The following FMN1 variants were observed in gnomAD, a reference collection of about 807,000 sequenced individuals.
The protein encoded by FMN1 is formin 1, also known as formin-1.
Under a neutral mutation model 132.4 loss-of-function variants are expected in FMN1, and 110 were observed. The ratio of observed to expected loss-of-function variants is 0.83; its 90% confidence interval spans 0.71 to 0.97. The LOEUF (loss-of-function observed/expected upper bound fraction) is 0.97. FMN1 is among the 50% of genes least tolerant of loss of function. The pLI is 0.00. For synonymous variants in FMN1, 722 were observed against 651.7 expected, an observed-to-expected ratio of 1.11 and a Z score of -1.64; for missense variants, 1,792 against 1,705.3, an observed-to-expected ratio of 1.05 and a Z score of -0.90.
chr15:32,938,958 G>T (rs1024780229), intron 9 of FMN1, among the ~76,000 whole-genome samples: 2 of 152,084 alleles, frequency 1.3e-5, no homozygotes, highest in East Asian at 3.9e-4. Context: ...GACGAAAAAA[G>T]ATTTACAAAG....
At chr15:32,779,795 G>A (rs970192132) in intron 19 of FMN1, among the ~76,000 whole-genome samples, 1 of 152,118 alleles carries the variant, frequency 6.6e-6, no homozygotes, top group Non-Finnish European at 1.5e-5. Flanking sequence ...CCATTTCATA[G>A]GTCTTAACCA....
chr15:33,047,271 G>C (rs1244811195), intron 6 of FMN1, among the ~76,000 whole-genome samples: 1 of 152,092 alleles, frequency 6.6e-6, no homozygotes, highest in Non-Finnish European at 1.5e-5. Context: ...TATAAAAACT[G>C]TTTGCCACCT....
chr15:33,055,884 C>T (rs1167279314), intron 6 of FMN1, among the ~76,000 whole-genome samples: 1 of 152,166 alleles, frequency 6.6e-6, no homozygotes, highest in Non-Finnish European at 1.5e-5. Flanking sequence ...AAAATAACTT[C>T]TCTACAAATT....
intron 16 of FMN1, among the ~76,000 whole-genome samples, chr15:32,882,953 G>A (rs757170056): frequency 1.3e-5 from 2 of 152,246 alleles, no homozygotes; most frequent in Non-Finnish European, 2.9e-5. Context: ...GACAGAACAA[G>A]AGCCAGCATG....
intron 19 of FMN1, among the ~76,000 whole-genome samples, chr15:32,787,256 A>C (rs369471707): frequency 6.6e-5 from 10 of 152,220 alleles, no homozygotes; most frequent in African/African-American, 2.2e-4. Flanking sequence ...AATGTTTCCA[A>C]AGGGTAGAAA....
rs555390739 is a variant in FMN1, at chr15:32,903,623, C to T, written c.3378-1583G>A. Among the ~76,000 whole-genome samples the T allele has an allele frequency of 1.4e-4, 22 of 152,336 alleles. No homozygotes were observed. The East Asian group carries it at 4.2e-3, about 29-fold the overall frequency. ...TCACAGTGAGCGAAGCAGTTACAGA[C>T]ACCACCTGGGAAAATATACAGATCA... On this transcript the variant is annotated intron_variant, in intron 12 of 20. Transcript: ENST00000616417.
chr15:32,890,751 C>T (rs2060007775), intron 15 of FMN1, among the ~76,000 whole-genome samples: 1 of 152,104 alleles, frequency 6.6e-6, no homozygotes, highest in South Asian at 2.1e-4. Context: ...TAACTAAGTC[C>T]CAACTACTTA....
intron 4 of FMN1, among the ~76,000 whole-genome samples, chr15:33,125,288 G>A (rs777258437): frequency 6.6e-6 from 1 of 152,132 alleles, no homozygotes; most frequent in Non-Finnish European, 1.5e-5. Context: ...ATAATACATA[G>A]AAAGCTTCTG....
chr15:33,005,401 C>T (rs1207376512), intron 7 of FMN1, among the ~76,000 whole-genome samples: 1 of 152,130 alleles, frequency 6.6e-6, no homozygotes, highest in Non-Finnish European at 1.5e-5. Context: ...TAGTTTGGAA[C>T]ATTTTTAATC....
At chr15:32,939,355 G>T (rs2061350963) in intron 9 of FMN1, among the ~76,000 whole-genome samples, 1 of 152,106 alleles carries the variant, frequency 6.6e-6, no homozygotes, top group African/African-American at 2.4e-5. Context: ...GAGTAGTGAG[G>T]AAGAAAATAT....
Position 32,770,194 on chromosome 15 carries a change from T to C in FMN1, c.*4116A>G, listed in dbSNP as rs1199641277. The C allele has an allele frequency of 2.0e-5, 3 of 152,144 alleles. No homozygotes were observed. The highest frequency in any genetic ancestry group is 4.4e-5 in the Non-Finnish European group (3 of 68,022). The allele number at this position is 152,144 out of a possible 1,614,324, so 9.4% of individuals were successfully genotyped here. On this transcript the variant is annotated 3_prime_UTR_variant, in exon 21 of 21. Coordinates refer to ENST00000616417, the MANE Select transcript of FMN1 (RefSeq NM_001277313.2). ...GTCAGGGAATGAAGAGGTTCCCCGG[T>C]CAATGTTACAGCCTGGTTCCTGGAA...
intron 17 of FMN1, among the ~76,000 whole-genome samples, chr15:32,848,698 C>A (rs527923102): frequency 6.6e-6 from 1 of 152,034 alleles, no homozygotes; most frequent in African/African-American, 2.4e-5. Context: ...ATGTGAAGTG[C>A]GAAGTACTAT....
chr15:33,001,566 T>TTC (rs1566811180), intron 7 of FMN1, among the ~76,000 whole-genome samples: 30 of 96,640 alleles, frequency 3.1e-4, no homozygotes, highest in Admixed American at 4.4e-4. Flanking sequence ...TCCTCCCACT[T>TTC]CCCCCCCCAC....
intron 7 of FMN1, among the ~76,000 whole-genome samples, chr15:32,973,637 A>C (rs2930133): frequency 0.71 from 107,713 of 151,406 alleles, 38,484 homozygotes; most frequent in East Asian, 0.83. Context: ...CTTGATCATT[A>C]CAATTTTGTC....
At chr15:32,878,559 G>A (rs553272781) in intron 16 of FMN1, among the ~76,000 whole-genome samples, 1 of 152,258 alleles carries the variant, frequency 6.6e-6, no homozygotes, top group South Asian at 2.1e-4. Context: ...TCAGACATGA[G>A]AGCACAAAAG....
intron 4 of FMN1, among the ~76,000 whole-genome samples, chr15:33,117,311 A>T (rs2039966089): frequency 6.6e-6 from 1 of 152,248 alleles, no homozygotes; most frequent in Non-Finnish European, 1.5e-5. Context: ...TAAAGAAGAC[A>T]ATGCAGAAAT....
intron 3 of FMN1, among the ~76,000 whole-genome samples, chr15:33,167,299 A>G (rs1211511860): frequency 6.6e-6 from 1 of 152,208 alleles, no homozygotes; most frequent in Non-Finnish European, 1.5e-5. Context: ...GTTCCCCTGT[A>G]CAAGGTCTGT....
intron 19 of FMN1, among the ~76,000 whole-genome samples, chr15:32,794,635 A>G (rs1195662658): frequency 6.6e-6 from 1 of 152,244 alleles, no homozygotes; most frequent in Non-Finnish European, 1.5e-5. Context: ...AGCAAAAATT[A>G]GGTTACCTAC....
At chr15:32,846,360 A>T (rs1290569643) in intron 17 of FMN1, among the ~76,000 whole-genome samples, 2 of 152,214 alleles carry the variant, frequency 1.3e-5, no homozygotes, top group Non-Finnish European at 2.9e-5. Context: ...TCCAGAATCT[A>T]TAAGGAACTT....
Sources: gnomAD v4.1 joint callset for allele counts (sites outside exome capture counted in the v4.1 genomes callset) on GRCh38, gnomAD v4.1.1 for gene constraint, MANE v1.5 for transcripts, NCBI Gene and HGNC (gene_info 2026-07-23, HGNC 2026-07-21) for gene names.